PEBP4: variants seen among roughly 807,000 people sequenced by gnomAD.
The protein encoded by PEBP4 is phosphatidylethanolamine binding protein 4.
PEBP4 carries 22 observed loss-of-function variants against 23.9 expected under a neutral mutation model. The observed-to-expected ratio is 0.92, with a 90% CI of 0.66 to 1.31. The LOEUF is 1.31. Ranked by LOEUF, PEBP4 falls within the 40% of genes most tolerant of loss-of-function variation. The pLI, the probability that PEBP4 is intolerant of heterozygous loss-of-function variation, is 0.00. For missense variants in PEBP4, 324 were observed against 281.7 expected (o/e 1.15, Z -1.07); for synonymous variants, 112 against 99.3 (o/e 1.13, Z -0.76).
intron 4 of PEBP4, among the ~76,000 whole-genome samples, chr8:22,743,940 C>A (rs796721692): frequency 6.6e-6 from 1 of 152,174 alleles, no homozygotes; most frequent in Non-Finnish European, 1.5e-5. Flanking sequence ...ACTCGGGGAC[C>A]AGCCAAGCCT....
intron 2 of PEBP4, chr8:22,925,111 G>A (rs1031986989): frequency 3.1e-5 from 31 of 985,250 alleles, no homozygotes; most frequent in Non-Finnish European, 3.7e-5. Flanking sequence ...TGTCCTTGAT[G>A]CATTTTTCAT....
intron 2 of PEBP4, among the ~76,000 whole-genome samples, chr8:22,926,001 A>C (rs189029303): frequency 4.0e-4 from 61 of 152,290 alleles, no homozygotes; most frequent in Non-Finnish European, 6.9e-4. Flanking sequence ...TTTGAGACAG[A>C]GTCTTGGTCT....
At chr8:22,891,359 C>A (rs1020814944) in intron 3 of PEBP4, among the ~76,000 whole-genome samples, 1 of 152,206 alleles carries the variant, frequency 6.6e-6, no homozygotes, top group Non-Finnish European at 1.5e-5. Flanking sequence ...GCTCCTCCTG[C>A]CCTCTGTCCT....
intron 2 of PEBP4, chr8:22,924,712 A>G (rs1045822382): frequency 1.0e-6 from 1 of 985,236 alleles, no homozygotes; most frequent in African/African-American, 1.7e-5. Flanking sequence ...TGGCAGCAGC[A>G]GGTGGGGTTT....
intron 4 of PEBP4, among the ~76,000 whole-genome samples, chr8:22,736,432 C>T (rs193033441): frequency 3.6e-3 from 546 of 151,996 alleles, no homozygotes; most frequent in Non-Finnish European, 5.8e-3. Flanking sequence ...TAGTGAGACC[C>T]CATTTCTACA....
At position 22,740,682 on chromosome 8, in the gene PEBP4, G is replaced by A. The variant is rs538068117; in HGVS notation, c.358-13462C>T. Among the ~76,000 whole-genome samples, 8 of 152,176 alleles carry A rather than the reference G, an allele frequency of 5.3e-5. No homozygotes were observed. The South Asian group carries it at 1.3e-3, about 24-fold the overall frequency. ...GGTACCTCCTTTCCTGTTCCTTCTG[G>A]AGACCCCCTCCCCTGGGGCTCACCC... On this transcript the variant is annotated intron_variant, in intron 4 of 6. Transcript: ENST00000256404.
chr8:22,751,752 C>A, intron 4 of PEBP4, among the ~76,000 whole-genome samples: 1 of 152,192 alleles, frequency 6.6e-6, no homozygotes, highest in East Asian at 1.9e-4. Context: ...ACAAAGCAGT[C>A]TCCTCTGCCA....
At chr8:22,917,850 T>A (rs899811500) in intron 3 of PEBP4, among the ~76,000 whole-genome samples, 3 of 152,190 alleles carry the variant, frequency 2.0e-5, no homozygotes, top group African/African-American at 7.2e-5. Context: ...GTTGACAAAT[T>A]GGTCAAACAC....
intron 3 of PEBP4, among the ~76,000 whole-genome samples, chr8:22,860,183 C>T (rs1321405590): frequency 1.5e-5 from 1 of 65,324 alleles, no homozygotes; most frequent in Non-Finnish European, 3.4e-5. Flanking sequence ...TATATATACA[C>T]ATATATATGT....
At chr8:22,842,780 T>A (rs1253668366) in intron 3 of PEBP4, among the ~76,000 whole-genome samples, 2 of 152,168 alleles carry the variant, frequency 1.3e-5, no homozygotes, top group Non-Finnish European at 1.5e-5. Context: ...AATGCTCTGC[T>A]GTTGCCATCT....
chr8:22,872,125 G>A (rs1808018525), intron 3 of PEBP4, among the ~76,000 whole-genome samples: 2 of 152,158 alleles, frequency 1.3e-5, no homozygotes, highest in Admixed American at 1.3e-4. Flanking sequence ...TTTCATGGCT[G>A]GGTAGTATCC....
intron 6 of PEBP4, among the ~76,000 whole-genome samples, chr8:22,718,918 C>G (rs1044238421): frequency 7.2e-5 from 11 of 152,200 alleles, no homozygotes; most frequent in Admixed American, 7.2e-4. Flanking sequence ...AGCCTCATCC[C>G]TCTGCAGCAA....
chr8:22,722,115 G>A (rs1169607785), intron 6 of PEBP4, among the ~76,000 whole-genome samples: 1 of 151,838 alleles, frequency 6.6e-6, no homozygotes, highest in Non-Finnish European at 1.5e-5. Flanking sequence ...GAGTCAACCT[G>A]CAAAAGCCAC....
intron 4 of PEBP4, among the ~76,000 whole-genome samples, chr8:22,734,614 C>T (rs1212162740): frequency 6.6e-6 from 1 of 152,076 alleles, no homozygotes; most frequent in East Asian, 1.9e-4. Context: ...CAATGGGACT[C>T]CTGGGTTTTG....
chr8:22,906,531 C>G, intron 3 of PEBP4, among the ~76,000 whole-genome samples: 1 of 152,158 alleles, frequency 6.6e-6, no homozygotes, highest in Non-Finnish European at 1.5e-5. Context: ...AACAAAAAAC[C>G]CCTCTGTCTT....
At chr8:22,836,072 A>G (rs1316678282) in intron 3 of PEBP4, among the ~76,000 whole-genome samples, 1 of 152,246 alleles carries the variant, frequency 6.6e-6, no homozygotes, top group African/African-American at 2.4e-5. Context: ...AAGGCAGTGA[A>G]CTTCAGATGT....
Position 22,898,431 on chromosome 8 carries a change from A to AAC in PEBP4, c.258+21752_258+21753insGT, listed in dbSNP as rs1563253603. On this transcript the variant is annotated intron_variant, in intron 3 of 6. Coordinates refer to ENST00000256404, the MANE Select transcript of PEBP4 (RefSeq NM_144962.3). ...AAAAAAAAAAAAAAAAAAAAAAAAA[A>AAC]CCCACCCAGTCTATGGTATTTTGTT... Among the ~76,000 whole-genome samples, 48 of 123,814 alleles carry AAC rather than the reference A, an allele frequency of 3.9e-4. 1 individual carries two copies. Among genetic ancestry groups the AAC allele is most frequent in the Non-Finnish European group, 5.6e-4 (33 of 59,226 alleles). 81.2% of individuals were successfully genotyped at this position (123,814 alleles called of 152,430 possible). A position where few individuals can be genotyped will look rare whatever the true frequency, so the allele number is the denominator to read the frequency against.
chr8:22,934,913 G>C (rs1386006093), intron 1 of PEBP4, among the ~76,000 whole-genome samples: 1 of 152,182 alleles, frequency 6.6e-6, no homozygotes, highest in Non-Finnish European at 1.5e-5. Context: ...TAGATTGAAA[G>C]AGAAAGGATT....
intron 4 of PEBP4, among the ~76,000 whole-genome samples, chr8:22,774,217 C>G (rs1805771846): frequency 6.6e-6 from 1 of 152,224 alleles, no homozygotes; most frequent in African/African-American, 2.4e-5. Flanking sequence ...CTTTCAATCA[C>G]TTTCCTTCCT....
Sources: gnomAD v4.1 joint callset for allele counts (sites outside exome capture counted in the v4.1 genomes callset) on GRCh38, gnomAD v4.1.1 for gene constraint, MANE v1.5 for transcripts, NCBI Gene and HGNC (gene_info 2026-07-23, HGNC 2026-07-21) for gene names.